MAP1S: variants seen among roughly 807,000 people sequenced by gnomAD.
MAP1S encodes the protein microtubule-associated protein 1S.
MAP1S carries 27 observed loss-of-function variants against 60.9 expected under a neutral mutation model. The ratio of observed to expected loss-of-function variants is 0.44; its 90% CI spans 0.33 to 0.61. MAP1S has a LOEUF of 0.61. MAP1S is among the 20% of genes least tolerant of loss of function. The probability of loss-of-function intolerance (pLI) is 0.03; values close to 1 mark genes in which losing one functional copy is unlikely to be tolerated. For synonymous variants in MAP1S, 826 were observed against 694.2 expected (o/e 1.19, Z -2.98); for missense variants, 1,608 against 1,486.6 (o/e 1.08, Z -1.34).
At chr19:17,720,477 C>T (rs1211156912) in intron 1 of MAP1S, 2 of 1,527,832 alleles carry the variant, frequency 1.3e-6, no homozygotes, top group East Asian at 2.5e-5. Flanking sequence ...ATGGAACAAG[C>T]TTCCAGCTCA....
At chr19:17,724,546 G>C (rs142069884) in intron 3 of MAP1S, among the ~76,000 whole-genome samples, 24 of 152,240 alleles carry the variant, frequency 1.6e-4, no homozygotes, top group Middle Eastern at 6.8e-3. Context: ...TGTCTGAATC[G>C]ACTCACTAAC....
Position 17,726,576 on chromosome 19 carries a change from C to A in MAP1S, c.1192C>A (p.Leu398Met). 6.3e-7 allele frequency: 1 copy of A among 1,574,958 alleles called. No homozygotes were observed. Residue 398 changes from leucine (L) to methionine (M), a missense_variant, in exon 5 of 7, where the codon CTG (leucine) becomes ATG (methionine). Transcript: ENST00000324096. ...MGVGRLDMYV[L>M]HPPSAGAERT... ...CGTGGGCCGGCTGGACATGTATGTG[C>A]TGCACCCGCCCTCCGCCGGCGCCGA...
rs1165084636 is a variant in MAP1S, at chr19:17,724,191, A to C, written c.286A>C (p.Lys96Gln). 1 of 1,613,714 alleles carries C rather than the reference A, an allele frequency of 6.2e-7. No homozygotes were observed. Among genetic ancestry groups the C allele is most frequent in the African/African-American group, 1.3e-5 (1 of 74,894 alleles). Residue 96 changes from lysine (K) to glutamine (Q), a missense_variant, in exon 3 of 7, where the codon AAG becomes CAG. By Grantham distance (53) the Lys-to-Gln change is moderately conservative. Coordinates refer to ENST00000324096, the MANE Select transcript of MAP1S (RefSeq NM_018174.6). Reference protein sequence around the residue: ...ETLVLLNPSDKSLYDELRNLL... With the variant: ...ETLVLLNPSDQSLYDELRNLL... Reference sequence around the variant, plus strand: ...CCTGGTCCTCCTGAACCCATCAGACAAGTCCCTGTATGATGAGGTAGGGAA... The same window carrying C: ...CCTGGTCCTCCTGAACCCATCAGACCAGTCCCTGTATGATGAGGTAGGGAA...
intron 5 of MAP1S, among the ~76,000 whole-genome samples, chr19:17,729,150 G>A (rs2080470849): frequency 1.3e-5 from 2 of 152,184 alleles, no homozygotes; most frequent in Non-Finnish European, 2.9e-5. Flanking sequence ...ATAGGGTGAA[G>A]TCCAAAGGAA....
In MAP1S at chr19:17,733,422, C is replaced by T. The variant is rs2080511181; in HGVS notation, c.3018C>T (p.Asp1006=). The change falls in exon 6 of 7, where the codon GAC becomes GAT. Residue 1006 remains aspartate, a synonymous_variant. Coordinates refer to ENST00000324096, the MANE Select transcript of MAP1S (RefSeq NM_018174.6). ...LLASKQHWDR[D]LQVTLIPTFD... ...CCAGCAAGCAGCATTGGGACCGTGACCTGCAGGTGCGTGTCACCCCAGGGC... is the reference window on the plus strand; with the variant it reads ...CCAGCAAGCAGCATTGGGACCGTGATCTGCAGGTGCGTGTCACCCCAGGGC... 2 of 1,595,312 alleles carry T rather than the reference C, an allele frequency of 1.3e-6. No individual in the cohort carries two copies. The highest frequency in any genetic ancestry group is 2.2e-5 in the East Asian group (1 of 44,466).
chr19:17,727,628 C>G lies in MAP1S; in HGVS notation c.2244C>G (p.Arg748=). The G allele has an allele frequency of 6.2e-7, 1 of 1,608,010 alleles. No individual in the cohort carries two copies. Among genetic ancestry groups the G allele is most frequent in the Non-Finnish European group, 8.5e-7 (1 of 1,179,750 alleles). The stretch of plus-strand genomic sequence containing the variant: ...TGTCACCCTGTGAATTTGAGCATCG[C>G]AAGGCGGTGCCAATGGCACCGGCAC... The part of the protein sequence containing the change: ...CLVSPCEFEH[R]KAVPMAPAPA... The change falls in exon 5 of 7, where the codon CGC becomes CGG. Residue 748 remains arginine, a synonymous_variant. Transcript: ENST00000324096. The surrounding 1 kb of genome is among the most constrained non-coding windows in gnomAD (Gnocchi z 4.1).
In MAP1S at chr19:17,726,531, G is replaced by T; in HGVS notation, c.1147G>T (p.Val383Leu). ...CGGCCCCGTGCCAGCCAAACCCACC[G>T]TGCTCTTCGAGAAGATGGGCGTGGG... ...SRGPVPAKPT[V>L]LFEKMGVGRL... is the part of the protein sequence containing the mutation. The change falls in exon 5 of 7, where the codon GTG becomes TTG. Residue 383 changes from valine (V) to leucine (L), a missense_variant. By Grantham distance (32) the Val-to-Leu change is conservative. Transcript: ENST00000324096. 1 of 1,567,448 alleles carries T rather than the reference G, an allele frequency of 6.4e-7. No homozygotes were observed.
rs1254077766 is a variant in MAP1S at position 17,725,238 on chromosome 19, CTG to C, written c.444+50_444+51del. Reference sequence around the variant, plus strand: ...CTGCTTCCCCAGCTCTGAATCCTGACTGGGGTGTATCAGGCTGTGTGGCACCA... The same window carrying C: ...CTGCTTCCCCAGCTCTGAATCCTGACGGGTGTATCAGGCTGTGTGGCACCA... On this transcript the variant is annotated intron_variant, in intron 4 of 6. Transcript: ENST00000324096. The surrounding 1 kb of genome is among the most constrained non-coding windows in gnomAD (Gnocchi z 4.2). 17 of 1,570,604 alleles carry C rather than the reference CTG, an allele frequency of 1.1e-5. No individual in the cohort carries two copies. Among genetic ancestry groups the C allele is most frequent in the Non-Finnish European group, 1.5e-5 (17 of 1,158,556 alleles).
At position 17,719,486 on chromosome 19, in the gene MAP1S, G is replaced by C. The variant is rs527815964; in HGVS notation, c.-17G>C. 1 of 1,239,880 alleles carries C rather than the reference G, an allele frequency of 8.1e-7. No individual in the cohort carries two copies. The highest frequency in any genetic ancestry group is 3.2e-5 in the East Asian group (1 of 31,534). The allele number at this position is 1,239,880 out of a possible 1,614,324, so 76.8% of individuals were successfully genotyped here. ...GGCCTGCGGGGCGGGCGCCGAGAAC[G>C]CCGGGGCGGCCCGAAGATGGCGGCG... On this transcript the variant is annotated 5_prime_UTR_variant, in exon 1 of 7. Transcript: ENST00000324096.
At chr19:17,732,559 T>A (rs1599467940) in intron 5 of MAP1S, among the ~76,000 whole-genome samples, 1 of 152,298 alleles carries the variant, frequency 6.6e-6, no homozygotes, top group South Asian at 2.1e-4. Context: ...GGCCCGCCTC[T>A]CAAGGCTCTG....
At chr19:17,720,492 G>C in intron 1 of MAP1S, 2 of 1,521,050 alleles carry the variant, frequency 1.3e-6, no homozygotes, top group African/African-American at 1.4e-5. Flanking sequence ...AGCTCACATG[G>C]TGTCAGGAAG....
At chr19:17,733,756 C>T (rs1175080356) in intron 6 of MAP1S, among the ~76,000 whole-genome samples, 1 of 152,192 alleles carries the variant, frequency 6.6e-6, no homozygotes, top group Non-Finnish European at 1.5e-5. Flanking sequence ...TGGGTGGTAT[C>T]TGTGCGGCTG....
chr19:17,734,345 G>A lies in MAP1S; in HGVS notation c.3097G>A (p.Ala1033Thr), dbSNP rs781283707. ...WYAETHARHQ[A>T]LGITVLGSNS... is the part of the protein sequence containing the mutation. Reference sequence around the variant, plus strand: ...CGCAGAGACGCACGCCCGGCACCAGGCGCTGGGCATCACGGTGTTGGGCAG... The same window carrying A: ...CGCAGAGACGCACGCCCGGCACCAGACGCTGGGCATCACGGTGTTGGGCAG... The change falls in exon 7 of 7, where the codon GCG (alanine) becomes ACG (threonine). Residue 1033 changes from alanine to threonine, a missense_variant. Transcript: ENST00000324096. 18 of 1,613,868 alleles carry A rather than the reference G, an allele frequency of 1.1e-5. 1 individual carries two copies. The Middle Eastern group carries it at 2.6e-3, about 237-fold the overall frequency.
chr19:17,733,124 G>T, intron 5 of MAP1S, 69 bp from the exon 6 acceptor site: 1 of 1,113,632 alleles, frequency 9.0e-7, no homozygotes, highest in African/African-American at 1.6e-5. Context: ...GGTGCAGGTC[G>T]AACTTGGAGC....
Position 17,727,377 on chromosome 19 carries a change from G to A in MAP1S, c.1993G>A (p.Gly665Arg), listed in dbSNP as rs773893063. The A allele has an allele frequency of 4.4e-6, 7 of 1,590,336 alleles. No homozygotes were observed. The highest frequency in any genetic ancestry group is 1.8e-5 in the Admixed American group (1 of 56,822). The change falls in exon 5 of 7, where the codon GGG (glycine) becomes AGG (arginine). Residue 665 changes from glycine to arginine, a missense_variant. Coordinates refer to ENST00000324096, the MANE Select transcript of MAP1S (RefSeq NM_018174.6). The surrounding 1 kb of genome is among the most constrained non-coding windows in gnomAD (Gnocchi z 4.1). ...SLSPLRGGEA[G>R]PDASPTVTTP... is the part of the protein sequence containing the mutation. The stretch of plus-strand genomic sequence containing the variant: ...GAGCCCACTGCGGGGCGGGGAGGCC[G>A]GGCCAGACGCCTCACCCACAGTGAC...
At chr19:17,729,217 T>C (rs1295984957) in intron 5 of MAP1S, among the ~76,000 whole-genome samples, 1 of 152,152 alleles carries the variant, frequency 6.6e-6, no homozygotes, top group African/African-American at 2.4e-5. Flanking sequence ...ACAGGCTTCA[T>C]TTCTCCAGTA....
chr19:17,719,521 T>G lies in MAP1S; in HGVS notation c.19T>G (p.Ser7Ala). Residue 7 changes from serine to alanine, a missense_variant, in exon 1 of 7, where the codon TCT (serine) becomes GCT (alanine). Physicochemically the swap from Ser to Ala is moderately conservative, Grantham distance 99 (BLOSUM62 1). Around this residue, in one of 4 missense-constraint regions of MAP1S, gnomAD observed 45 missense variants for 22.0 expected, o/e 2.04. Coordinates refer to ENST00000324096, the MANE Select transcript of MAP1S (RefSeq NM_018174.6). MAAVAGSGAAAAPSSLL... is the reference protein window; with the variant it reads MAAVAGAGAAAAPSSLL... ...CCCGAAGATGGCGGCGGTGGCTGGATCTGGGGCTGCCGCGGCTCCGAGCTC... is the reference window on the plus strand; with the variant it reads ...CCCGAAGATGGCGGCGGTGGCTGGAGCTGGGGCTGCCGCGGCTCCGAGCTC... 2 of 1,245,152 alleles carry G rather than the reference T, an allele frequency of 1.6e-6. No individual in the cohort carries two copies. The highest frequency in any genetic ancestry group is 2.0e-6 in the Non-Finnish European group (2 of 987,480). 77.1% of individuals were successfully genotyped at this position (1,245,152 alleles called of 1,614,324 possible). A position where few individuals can be genotyped will look rare whatever the true frequency, so the allele number is the denominator to read the frequency against.
intron 5 of MAP1S, among the ~76,000 whole-genome samples, chr19:17,730,265 T>G (rs117218207): frequency 0.013 from 2,014 of 152,348 alleles, 21 homozygotes; most frequent in Non-Finnish European, 0.021. Flanking sequence ...TATTGGCCAT[T>G]TGTCTGTCTT....
Position 17,734,395 on chromosome 19 carries a change from T to A in MAP1S, c.3147T>A (p.Asp1049Glu). The A allele has an allele frequency of 1.9e-6, 3 of 1,613,286 alleles. No individual in the cohort carries two copies. The highest frequency in any genetic ancestry group is 2.5e-6 in the Non-Finnish European group (3 of 1,179,920). ...LGSNSMVSMQ[D>E]DAFPACKVEF ...GCAACAGCATGGTGTCCATGCAGGA[T>A]GACGCCTTCCCGGCCTGCAAGGTGG... Residue 1049 changes from aspartate to glutamate, a missense_variant, in exon 7 of 7, where the codon GAT (aspartate) becomes GAA (glutamate). Physicochemically the swap from Asp to Glu is conservative, Grantham distance 45. Coordinates refer to ENST00000324096, the MANE Select transcript of MAP1S (RefSeq NM_018174.6).
Sources: gnomAD v4.1 joint callset for allele counts (sites outside exome capture counted in the v4.1 genomes callset) on GRCh38, gnomAD v4.1.1 for gene constraint, gnomAD v4.1.1 regional missense constraint, Gnocchi (gnomAD v3.1) non-coding constraint, MANE v1.5 for transcripts, NCBI Gene and HGNC (gene_info 2026-07-23, HGNC 2026-07-21) for gene names.